Variants in MAPK6 observed in about 807,000 individuals in gnomAD.
MAPK6 encodes ERK-3.
In MAPK6, 19 loss-of-function variants were observed where a neutral mutation model predicts 59.3. That is an observed-to-expected ratio of 0.32 (90% confidence interval 0.22 to 0.47). The LOEUF (loss-of-function observed/expected upper bound fraction) is 0.47. Among genes scored for constraint, MAPK6 ranks in the 20% least tolerant of loss-of-function variants. The pLI is 1.00. For missense variants in MAPK6, 724 were observed against 847.9 expected, an observed-to-expected ratio of 0.85 and a Z score of 1.81; for synonymous variants, 316 against 290.3, an observed-to-expected ratio of 1.09 and a Z score of -0.90.
At chr15:51,988,927 C>T (rs569280024) in intron 2 of MAPK6, among the ~76,000 whole-genome samples, 7 of 152,156 alleles carry the variant, frequency 4.6e-5, no homozygotes, top group African/African-American at 1.7e-4. Flanking sequence ...CACTCCTTGG[C>T]TTGTGGAGTG....
At chr15:52,006,585 C>T (rs2057259415) in intron 3 of MAPK6, among the ~76,000 whole-genome samples, 1 of 152,182 alleles carries the variant, frequency 6.6e-6, no homozygotes, top group African/African-American at 2.4e-5. Flanking sequence ...ATCATGAGTA[C>T]AACTCAGCAC....
exon 1 of MAPK6, chr15:51,971,889 G>A: frequency 1.2e-6 from 1 of 825,344 alleles, no homozygotes; most frequent in Non-Finnish European, 2.0e-6. Flanking sequence ...CTCGCCCAGT[G>A]AACCTGTTCT....
At chr15:52,021,741 A>C in intron 1 of MAPK6, among the ~76,000 whole-genome samples, 1 of 152,302 alleles carries the variant, frequency 6.6e-6, no homozygotes, top group East Asian at 1.9e-4. Flanking sequence ...CTTTATATTT[A>C]ATATTTAATC....
In MAPK6 at chr15:52,064,571, G is replaced by A; in HGVS notation, c.1737G>A (p.Met579Ile). 6.2e-7 allele frequency: 1 copy of A among 1,611,792 alleles called. No homozygotes were observed. The highest frequency in any genetic ancestry group is 8.5e-7 in the Non-Finnish European group (1 of 1,179,754). ...SVSQEKQEKG[M>I]ANLAQLEALY... ...GCCAAGAAAAACAGGAAAAAGGAATGGCAAATCTGGCTCAATTAGAAGCCT... is the reference window on the plus strand; with the variant it reads ...GCCAAGAAAAACAGGAAAAAGGAATAGCAAATCTGGCTCAATTAGAAGCCT... The change falls in exon 6 of 6, where the codon ATG becomes ATA. Residue 579 changes from methionine (M) to isoleucine (I), a missense_variant. Physicochemically the swap from Met to Ile is conservative, Grantham distance 10. Coordinates refer to ENST00000261845, the MANE Select transcript of MAPK6 (RefSeq NM_002748.4).
intron 2 of MAPK6, among the ~76,000 whole-genome samples, chr15:51,990,720 G>C (rs2057205382): frequency 6.6e-6 from 1 of 152,236 alleles, no homozygotes; most frequent in South Asian, 2.1e-4. Flanking sequence ...GGAGGCCAAG[G>C]CAGGCGGATC....
At chr15:52,063,839 C>T in intron 5 of MAPK6, 63 bp from the exon 6 acceptor site, 2 of 1,421,772 alleles carry the variant, frequency 1.4e-6, no homozygotes, top group South Asian at 1.5e-5. Context: ...ATAGAAGGTA[C>T]TCGGTGAATT....
rs1160670156 is a variant in MAPK6 at position 52,064,770 on chromosome 15, C to A, written c.1936C>A (p.Pro646Thr). The change falls in exon 6 of 6, where the codon CCA becomes ACA. Residue 646 changes from proline to threonine, a missense_variant. This residue lies in a region of MAPK6 where 502 missense variants were observed against 507.6 expected (regional missense o/e 0.99). Coordinates refer to ENST00000261845, the MANE Select transcript of MAPK6 (RefSeq NM_002748.4). ...KEDTEMLETE[P>T]VEDGKLGERG... The stretch of plus-strand genomic sequence containing the variant: ...AGATACTGAAATGCTAGAAACTGAG[C>A]CAGTAGAGGATGGGAAGCTTGGGGA... 1 of 1,611,720 alleles carries A rather than the reference C, an allele frequency of 6.2e-7. No homozygotes were observed. Among genetic ancestry groups the A allele is most frequent in the East Asian group, 2.2e-5 (1 of 44,874 alleles).
rs2032445665 is a variant in MAPK6, at chr15:52,067,185, C to T, written c.*2185C>T. The T allele has an allele frequency of 6.6e-6, 1 of 151,022 alleles. No individual in the cohort carries two copies. The highest frequency in any genetic ancestry group is 1.5e-5 in the Non-Finnish European group (1 of 67,656). 9.4% of individuals were successfully genotyped at this position (151,022 alleles called of 1,614,324 possible). ...ACTTAATCCACATTCGTTAAACTGT[C>T]ACCTTGGCAGTTTAGTGGCCATCTA... On this transcript the variant is annotated 3_prime_UTR_variant, in exon 6 of 6. Transcript: ENST00000261845.
At chr15:52,031,872 A>G (rs1387939077) in intron 1 of MAPK6, among the ~76,000 whole-genome samples, 1 of 152,148 alleles carries the variant, frequency 6.6e-6, no homozygotes, top group East Asian at 1.9e-4. Flanking sequence ...TTTCATGTTC[A>G]GTGCTGTGAC....
chr15:51,993,083 TC>T (rs890231005), intron 2 of MAPK6, among the ~76,000 whole-genome samples: 1 of 152,104 alleles, frequency 6.6e-6, no homozygotes, highest in African/African-American at 2.4e-5. Context: ...AACCCTCCAA[TC>T]ACATAGTTGG....
chr15:51,991,534 C>G (rs961028094), intron 2 of MAPK6, among the ~76,000 whole-genome samples: 2 of 152,184 alleles, frequency 1.3e-5, no homozygotes, highest in Admixed American at 6.6e-5. Context: ...AGAGCCTCTA[C>G]TGTGTGCAAG....
At chr15:52,031,881 ACTTT>A (rs1447034675) in intron 1 of MAPK6, among the ~76,000 whole-genome samples, 3 of 152,050 alleles carry the variant, frequency 2.0e-5, no homozygotes, top group Admixed American at 1.3e-4. Context: ...CAGTGCTGTG[ACTTT>A]CTTTATAATA....
chr15:52,020,611 G>A (rs775440278), intron 1 of MAPK6, among the ~76,000 whole-genome samples: 1 of 152,152 alleles, frequency 6.6e-6, no homozygotes, highest in Non-Finnish European at 1.5e-5. Flanking sequence ...CCTCTTTAAC[G>A]CTGGAAAACT....
rs759032674 is a variant in MAPK6, at chr15:52,064,703, CACTT to C, written c.1872_1875del (p.Tyr625LeufsTer17). 1.2e-5 allele frequency: 19 copies of C among 1,611,732 alleles called. No individual in the cohort carries two copies. Among genetic ancestry groups the C allele is most frequent in the African/African-American group, 4.0e-5 (3 of 74,818 alleles). On this transcript the variant is annotated frameshift_variant, in exon 6 of 6. Transcript: ENST00000261845. LOFTEE classifies it high-confidence loss of function. ...AGGATGAACAAGTTGAGAAGGAAAA[CACTT>C]ACACTAGTTACTTGGACAAGTTCTT...
rs769620879 is a variant in MAPK6 at position 52,064,913 on chromosome 15, A to G, written c.2079A>G (p.Ile693Met). 1.9e-6 allele frequency: 3 copies of G among 1,611,872 alleles called. No homozygotes were observed. The highest frequency in any genetic ancestry group is 1.7e-5 in the Admixed American group (1 of 59,992). The change falls in exon 6 of 6, where the codon ATA becomes ATG. Residue 693 changes from isoleucine (I) to methionine (M), a missense_variant. By Grantham distance (10) the Ile-to-Met change is conservative. This residue lies in a region of MAPK6 where 502 missense variants were observed against 507.6 expected (regional missense o/e 0.99). Coordinates refer to ENST00000261845, the MANE Select transcript of MAPK6 (RefSeq NM_002748.4). ...CAGTTGGGTCACCACTTAAGTCAATACAGGCCACATTAACACCTTCTGCTA... is the reference window on the plus strand; with the variant it reads ...CAGTTGGGTCACCACTTAAGTCAATGCAGGCCACATTAACACCTTCTGCTA... Reference protein sequence around the residue: ...HSPVGSPLKSIQATLTPSAMK... With the variant: ...HSPVGSPLKSMQATLTPSAMK...
intron 2 of MAPK6, among the ~76,000 whole-genome samples, chr15:51,989,354 C>G (rs929137504): frequency 6.6e-6 from 1 of 152,058 alleles, no homozygotes; most frequent in East Asian, 1.9e-4. Flanking sequence ...GCCGAGATTA[C>G]AGGCACCCGG....
chr15:52,052,773 A>G (rs1200730929), intron 3 of MAPK6, among the ~76,000 whole-genome samples: 2 of 152,232 alleles, frequency 1.3e-5, no homozygotes, highest in Admixed American at 6.5e-5. Context: ...GATATACCAC[A>G]TGCTGTTTAT....
chr15:52,043,138 C>A (rs925662544), intron 1 of MAPK6, among the ~76,000 whole-genome samples: 1 of 151,478 alleles, frequency 6.6e-6, no homozygotes, highest in African/African-American at 2.4e-5. Flanking sequence ...TCTCAAAAAA[C>A]AAACAAACTG....
At chr15:52,029,529 C>T (rs1026155179) in intron 1 of MAPK6, among the ~76,000 whole-genome samples, 1 of 152,180 alleles carries the variant, frequency 6.6e-6, no homozygotes, top group Admixed American at 6.6e-5. Flanking sequence ...GAGCTCCAGA[C>T]ATATTATCCA....
Sources: allele counts gnomAD v4.1 joint callset (sites outside exome capture counted in the v4.1 genomes callset), GRCh38; gene constraint gnomAD v4.1.1; regional missense constraint gnomAD v4.1.1; transcripts MANE v1.5; gene names NCBI Gene and HGNC (gene_info 2026-07-23, HGNC 2026-07-21).